Variants in CTNNA3 observed in about 807,000 individuals in gnomAD.
The protein encoded by CTNNA3 is catenin alpha 3.
A neutral mutation model predicts 95.7 loss-of-function variants in CTNNA3; 76 were observed. The ratio of observed to expected loss-of-function variants is 0.79; its 90% CI spans 0.66 to 0.96. The LOEUF is 0.96. CTNNA3 is among the 40% of genes least tolerant of loss of function. The pLI, the probability that CTNNA3 is intolerant of heterozygous loss-of-function variation, is 0.00. For synonymous variants in CTNNA3, 431 were observed against 374.4 expected (o/e 1.15, Z -1.74); for missense variants, 1,191 against 1,089.8 (o/e 1.09, Z -1.31).
chr10:66,001,947 T>C (rs1037567744), intron 15 of CTNNA3, among the ~76,000 whole-genome samples: 2 of 152,112 alleles, frequency 1.3e-5, no homozygotes, highest in Admixed American at 6.5e-5. Flanking sequence ...AAACTCTCTC[T>C]GTGTGTAGTT....
chr10:66,201,503 T>G (rs2087403430), intron 13 of CTNNA3, among the ~76,000 whole-genome samples: 1 of 152,196 alleles, frequency 6.6e-6, no homozygotes, highest in Admixed American at 6.5e-5. Context: ...GGCCTATATC[T>G]AATCCTTCTC....
At chr10:66,917,354 T>G (rs1192496964) in intron 7 of CTNNA3, among the ~76,000 whole-genome samples, 1 of 152,168 alleles carries the variant, frequency 6.6e-6, no homozygotes, top group Non-Finnish European at 1.5e-5. Context: ...ACTGTTCAAC[T>G]GGGAATGGCC....
At chr10:66,526,332 C>A (rs138623929) in intron 10 of CTNNA3, among the ~76,000 whole-genome samples, 1 of 151,950 alleles carries the variant, frequency 6.6e-6, no homozygotes, top group African/African-American at 2.4e-5. Context: ...ACCACAAATG[C>A]GCACCACCAC....
At chr10:67,225,622 C>A (rs932510503) in intron 5 of CTNNA3, among the ~76,000 whole-genome samples, 1 of 152,048 alleles carries the variant, frequency 6.6e-6, no homozygotes. Context: ...AGAAGAGAGA[C>A]AACAGTCATT....
At position 67,346,744 on chromosome 10, in the gene CTNNA3, G is replaced by A. The variant is rs200319411; in HGVS notation, c.580-126874C>T. The A allele has an allele frequency of 1.2e-4, 63 of 504,630 alleles. No homozygotes were observed. In the East Asian group the frequency reaches 2.3e-3, roughly 18 times the overall value. The allele number at this position is 504,630 out of a possible 1,614,324, so 31.3% of individuals were successfully genotyped here. A position where few individuals can be genotyped will look rare whatever the true frequency, so the allele number is the denominator to read the frequency against. Reference sequence around the variant, plus strand: ...AAATTTCTTCCCTCAACTATCTAATGTCAGGTCTCCTTCCTGAAGAATTTC... The same window carrying A: ...AAATTTCTTCCCTCAACTATCTAATATCAGGTCTCCTTCCTGAAGAATTTC... On this transcript the variant is annotated intron_variant, in intron 5 of 17. Coordinates refer to ENST00000433211, the MANE Select transcript of CTNNA3 (RefSeq NM_013266.4).
intron 11 of CTNNA3, among the ~76,000 whole-genome samples, chr10:66,425,952 G>C (rs988699471): frequency 6.6e-6 from 1 of 151,824 alleles, no homozygotes; most frequent in Non-Finnish European, 1.5e-5. Flanking sequence ...GCATAAAATT[G>C]TTTTTTGTCA....
intron 7 of CTNNA3, among the ~76,000 whole-genome samples, chr10:67,040,432 A>G (rs959108640): frequency 1.3e-5 from 2 of 152,138 alleles, no homozygotes; most frequent in Non-Finnish European, 2.9e-5. Context: ...ATTTGGATGC[A>G]AAGTATCCAA....
At chr10:67,012,549 T>C (rs866221825) in intron 7 of CTNNA3, among the ~76,000 whole-genome samples, 15 of 152,346 alleles carry the variant, frequency 9.8e-5, no homozygotes, top group Middle Eastern at 3.4e-3. Flanking sequence ...AAAAGCATCA[T>C]TGTTCTTTTT....
chr10:66,108,444 G>A (rs969020787), intron 13 of CTNNA3, among the ~76,000 whole-genome samples: 2 of 151,840 alleles, frequency 1.3e-5, no homozygotes, highest in African/African-American at 2.4e-5. Context: ...GATCCTTCTC[G>A]GCATGGGAGC....
intron 7 of CTNNA3, among the ~76,000 whole-genome samples, chr10:66,783,918 C>T (rs569442627): frequency 2.0e-5 from 3 of 152,216 alleles, no homozygotes; most frequent in Non-Finnish European, 4.4e-5. Context: ...TAATAATACT[C>T]AGTATGTCAA....
chr10:66,068,398 T>C (rs1383687905), intron 15 of CTNNA3, among the ~76,000 whole-genome samples: 1 of 152,162 alleles, frequency 6.6e-6, no homozygotes, highest in East Asian at 1.9e-4. Context: ...TTAACAATCC[T>C]TTCTTTGTAA....
chr10:66,960,352 T>C (rs1849045585), intron 7 of CTNNA3, among the ~76,000 whole-genome samples: 1 of 152,170 alleles, frequency 6.6e-6, no homozygotes, highest in African/African-American at 2.4e-5. Context: ...ATTTATAAGC[T>C]TGACTACACA....
chr10:66,993,245 G>C (rs1851140278), intron 7 of CTNNA3, among the ~76,000 whole-genome samples: 1 of 152,234 alleles, frequency 6.6e-6, no homozygotes, highest in Admixed American at 6.5e-5. Flanking sequence ...AAGCATGATA[G>C]GTGGGATCCA....
intron 7 of CTNNA3, among the ~76,000 whole-genome samples, chr10:66,807,051 A>G (rs745326809): frequency 6.6e-6 from 1 of 152,026 alleles, no homozygotes; most frequent in Non-Finnish European, 1.5e-5. Context: ...GGGCAAAAAG[A>G]TAATTCTCAT....
At chr10:65,983,579 T>A (rs2078366857) in intron 16 of CTNNA3, among the ~76,000 whole-genome samples, 1 of 151,484 alleles carries the variant, frequency 6.6e-6, no homozygotes, top group Admixed American at 6.6e-5. Context: ...TTAAGAATTG[T>A]TATAGGTAAG....
At chr10:67,590,805 T>C (rs7914287) in intron 3 of CTNNA3, among the ~76,000 whole-genome samples, 61,341 of 151,894 alleles carry the variant, frequency 0.4, 15,947 homozygotes, top group African/African-American at 0.71. Flanking sequence ...CCAATATCTT[T>C]TCTCAGTGTA....
intron 7 of CTNNA3, among the ~76,000 whole-genome samples, chr10:67,158,204 C>T (rs1398849691): frequency 1.3e-5 from 2 of 152,062 alleles, no homozygotes; most frequent in African/African-American, 4.8e-5. Context: ...GCTTCCCTGT[C>T]TATGCTTCCC....
intron 10 of CTNNA3, among the ~76,000 whole-genome samples, chr10:66,608,985 C>A (rs997086541): frequency 1.2e-4 from 18 of 151,982 alleles, no homozygotes; most frequent in African/African-American, 4.4e-4. Flanking sequence ...AAGAAACATT[C>A]AACAGAGTGT....
intron 11 of CTNNA3, among the ~76,000 whole-genome samples, chr10:66,465,508 G>T (rs1294293395): frequency 1.3e-5 from 2 of 152,166 alleles, no homozygotes; most frequent in Non-Finnish European, 2.9e-5. Flanking sequence ...GTTAAGACCT[G>T]CACTGAAGCG....
Sources: gnomAD v4.1 joint callset for allele counts (sites outside exome capture counted in the v4.1 genomes callset) on GRCh38, gnomAD v4.1.1 for gene constraint, MANE v1.5 for transcripts, NCBI Gene and HGNC (gene_info 2026-07-23, HGNC 2026-07-21) for gene names.